The following MT1A variants were observed in gnomAD, a reference collection of about 807,000 sequenced individuals.
MT1A encodes the protein metallothionein 1A.
Under a neutral mutation model 5.5 loss-of-function variants are expected in MT1A, and 6 were observed. The ratio of observed to expected loss-of-function variants is 1.09; its 90% CI spans 0.60 to 2.16. The LOEUF (loss-of-function observed/expected upper bound fraction) is 2.16. Among genes scored for constraint, MT1A ranks in the 30% most tolerant of loss-of-function variants. The probability of loss-of-function intolerance (pLI) is 0.00; values close to 1 mark genes in which losing one functional copy is unlikely to be tolerated. For missense variants in MT1A, 69 were observed against 73.4 expected (o/e 0.94, Z 0.22); for synonymous variants, 23 against 24.8 (o/e 0.93, Z 0.21).
intron 2 of MT1A, 128 bp from the exon 3 acceptor site, chr16:56,639,731 G>A (rs1162073375): frequency 6.2e-5 from 78 of 1,250,574 alleles, no homozygotes; most frequent in South Asian, 2.4e-4. Context: ...TCCCATCTCC[G>A]ACAGTGCATG....
rs774144512 is a variant in MT1A, at chr16:56,639,338, G to A, written c.94+9G>A. ...CACCTCCTGCAAGAAGAGTGAGTGT[G>A]GGGCCATCTCCAGGAATCTGGGGCT... On this transcript the variant is annotated intron_variant, in intron 2 of 2. Coordinates refer to ENST00000290705, the MANE Select transcript of MT1A (RefSeq NM_005946.3). 30 of 1,610,410 alleles carry A rather than the reference G, an allele frequency of 1.9e-5. No homozygotes were observed. The highest frequency in any genetic ancestry group is 4.0e-5 in the African/African-American group (3 of 74,894).
Position 56,639,300 on chromosome 16 carries a change from AAG to A in MT1A, c.68_69del (p.Glu23ValfsTer49), listed in dbSNP as rs1960414480. ...ACCTGCACTGGCTCCTGCAAATGCA[AAG>A]AGTGCAAATGCACCTCCTGCAAGAA... On this transcript the variant is annotated frameshift_variant, in exon 2 of 3. Coordinates refer to ENST00000290705, the MANE Select transcript of MT1A (RefSeq NM_005946.3). LOFTEE classifies it high-confidence loss of function. 6.2e-7 allele frequency: 1 copy of A among 1,611,976 alleles called. No homozygotes were observed. Among genetic ancestry groups the A allele is most frequent in the Non-Finnish European group, 8.5e-7 (1 of 1,178,644 alleles).
At position 56,639,980 on chromosome 16, in the gene MT1A, A is replaced by T; in HGVS notation, c.*30A>T. The T allele has an allele frequency of 6.2e-7, 1 of 1,613,120 alleles. No homozygotes were observed. On this transcript the variant is annotated 3_prime_UTR_variant, in exon 3 of 3. Coordinates refer to ENST00000290705, the MANE Select transcript of MT1A (RefSeq NM_005946.3). ...CGGACAGCCCTGCTCGAAGATATAG[A>T]AAGAGTGACCTGCACAAACTTGGAA...
At position 56,639,076 on chromosome 16, in the gene MT1A, T is replaced by A. The variant is rs114448814; in HGVS notation, c.29-188T>A. On this transcript the variant is annotated intron_variant, in intron 1 of 2. Transcript: ENST00000290705. ...GTGGATGGGAGACAGGAGTTATTGG[T>A]TTTTCGGGATTAAGGACATAAAGCC... is the stretch of plus-strand genomic sequence containing the variant. Among the ~76,000 whole-genome samples, 401 of 151,988 alleles carry A rather than the reference T, an allele frequency of 2.6e-3. 1 individual carries two copies. Among genetic ancestry groups the A allele is most frequent in the African/African-American group, 9.5e-3 (393 of 41,452 alleles).
intron 1 of MT1A, 85 bp downstream of exon 1, chr16:56,638,851 A>T (rs556362664): frequency 2.0e-6 from 3 of 1,519,792 alleles, no homozygotes; most frequent in Non-Finnish European, 2.7e-6. Flanking sequence ...GTGTTTTTTG[A>T]GTTCTAGCTA....
rs374553439 is a variant in MT1A, at chr16:56,638,713, G to C, written c.-26G>C. The C allele has an allele frequency of 3.7e-6, 6 of 1,613,982 alleles. No individual in the cohort carries two copies. In the African/African-American group the frequency reaches 6.7e-5, roughly 18 times the overall value. On this transcript the variant is annotated 5_prime_UTR_variant, in exon 1 of 3. Coordinates refer to ENST00000290705, the MANE Select transcript of MT1A (RefSeq NM_005946.3). ...TATAGCCTCTCAACTTCTTGCTTGG[G>C]ATCTCCAACCTCACCGCGGCTCGAA...
intron 2 of MT1A, 127 bp downstream of exon 2, chr16:56,639,456 G>C (rs536692351): frequency 8.4e-7 from 1 of 1,193,330 alleles, no homozygotes; most frequent in African/African-American, 1.5e-5. Flanking sequence ...ACTGATTCAG[G>C]ATCAGAGCCA....
At chr16:56,638,830 T>TAGG in intron 1 of MT1A, 64 bp downstream of exon 1, 2 of 1,594,206 alleles carry the variant, frequency 1.3e-6, no homozygotes, top group Non-Finnish European at 1.7e-6. Flanking sequence ...TAGATGTCCC[T>TAGG]AGGAGTAGAG....
Position 56,638,674 on chromosome 16 carries a change from T to C in MT1A, c.-65T>C. The C allele has an allele frequency of 6.3e-7, 1 of 1,588,878 alleles. No homozygotes were observed. On this transcript the variant is annotated 5_prime_UTR_variant, in exon 1 of 3. Transcript: ENST00000290705. ...GCTGGCTGCTGGGCCCTACCAAGCC[T>C]TCCACGTGCGCCTTATAGCCTCTCA... is the stretch of plus-strand genomic sequence containing the variant.
At position 56,638,666 on chromosome 16, in the gene MT1A, A is replaced by G; in HGVS notation, c.-73A>G. 1 of 1,558,194 alleles carries G rather than the reference A, an allele frequency of 6.4e-7. No homozygotes were observed. The highest frequency in any genetic ancestry group is 8.9e-7 in the Non-Finnish European group (1 of 1,129,798). On this transcript the variant is annotated 5_prime_UTR_variant, in exon 1 of 3. Coordinates refer to ENST00000290705, the MANE Select transcript of MT1A (RefSeq NM_005946.3). ...AAGCAGCCGCTGGCTGCTGGGCCCT[A>G]CCAAGCCTTCCACGTGCGCCTTATA...
chr16:56,638,813 C>T (rs1427677455), intron 1 of MT1A, 47 bp downstream of exon 1: 2 of 1,608,996 alleles, frequency 1.2e-6, no homozygotes, highest in East Asian at 2.2e-5. Context: ...ATTTCCCCGC[C>T]ACAGGATAGA....
At position 56,639,341 on chromosome 16, in the gene MT1A, G is replaced by A; in HGVS notation, c.94+12G>A. The stretch of plus-strand genomic sequence containing the variant: ...CTCCTGCAAGAAGAGTGAGTGTGGG[G>A]CCATCTCCAGGAATCTGGGGCTGAG... On this transcript the variant is annotated intron_variant, in intron 2 of 2. Coordinates refer to ENST00000290705, the MANE Select transcript of MT1A (RefSeq NM_005946.3). The A allele has an allele frequency of 6.2e-7, 1 of 1,610,368 alleles. No homozygotes were observed. The highest frequency in any genetic ancestry group is 1.3e-5 in the African/African-American group (1 of 75,006).
chr16:56,639,676 A>C (rs1960419290), intron 2 of MT1A, among the ~76,000 whole-genome samples, 183 bp from the exon 3 acceptor site: 1 of 152,186 alleles, frequency 6.6e-6, no homozygotes, highest in African/African-American at 2.4e-5. Context: ...AGATGGAGAT[A>C]AGCTTTTCAC....
chr16:56,639,396 G>T (rs1960416239), intron 2 of MT1A, 67 bp downstream of exon 2: 6 of 1,521,758 alleles, frequency 3.9e-6, no homozygotes, highest in Non-Finnish European at 4.6e-6. Flanking sequence ...CCAGAGCTGG[G>T]CATGGAGGAG....
intron 1 of MT1A, among the ~76,000 whole-genome samples, 177 bp from the exon 2 acceptor site, chr16:56,639,087 T>G (rs1476277196): frequency 1.3e-5 from 2 of 152,050 alleles, no homozygotes; most frequent in African/African-American, 4.8e-5. Flanking sequence ...TTTTCGGGAT[T>G]AAGGACATAA....
chr16:56,638,918 C>A, intron 1 of MT1A, 152 bp downstream of exon 1: 1 of 967,176 alleles, frequency 1.0e-6, no homozygotes, highest in Non-Finnish European at 1.6e-6. Context: ...CTTCATCATC[C>A]CTAGAACATT....
rs1567345903 is a variant in MT1A, at chr16:56,639,280, C to T, written c.45C>T (p.Cys15=). The change falls in exon 2 of 3, where the codon TGC becomes TGT. Residue 15 remains cysteine (C), a synonymous_variant. Transcript: ENST00000290705. ...CSCATGGSCT[C]TGSCKCKECK... is the part of the protein sequence containing the mutation. ...TCCTTGCAGGTGGCTCCTGCACCTG[C>T]ACTGGCTCCTGCAAATGCAAAGAGT... 1.2e-6 allele frequency: 2 copies of T among 1,612,108 alleles called. No homozygotes were observed. Among genetic ancestry groups the T allele is most frequent in the Non-Finnish European group, 1.7e-6 (2 of 1,178,618 alleles).
At chr16:56,639,370 A>G (rs1359801346) in intron 2 of MT1A, 41 bp downstream of exon 2, 2 of 1,597,686 alleles carry the variant, frequency 1.3e-6, no homozygotes, top group Admixed American at 3.3e-5. Context: ...GGCTGAGCCA[A>G]GTCAGAGGCA....
At chr16:56,639,530 G>T (rs1436229237) in intron 2 of MT1A, among the ~76,000 whole-genome samples, 4 of 152,212 alleles carry the variant, frequency 2.6e-5, no homozygotes, top group Non-Finnish European at 4.4e-5. Flanking sequence ...GGCCAAGAGT[G>T]CACCAGCCTG....
Sources: allele counts gnomAD v4.1 joint callset (sites outside exome capture counted in the v4.1 genomes callset), GRCh38; gene constraint gnomAD v4.1.1; transcripts MANE v1.5; gene names NCBI Gene and HGNC (gene_info 2026-07-23, HGNC 2026-07-21).